Variants in RAB18 observed in about 807,000 individuals in gnomAD.
The protein encoded by RAB18 is ras-related protein Rab-18.
A neutral mutation model predicts 28.5 loss-of-function variants in RAB18; 10 were observed. That is an observed-to-expected ratio of 0.35 (90% CI 0.22 to 0.60). The LOEUF is 0.60. RAB18 is among the 20% of genes least tolerant of loss of function. The probability of loss-of-function intolerance (pLI) is 0.78; values close to 1 mark genes in which losing one functional copy is unlikely to be tolerated. For missense variants in RAB18, 188 were observed against 244.2 expected, an observed-to-expected ratio of 0.77 and a Z score of 1.53; for synonymous variants, 93 against 86.9, an observed-to-expected ratio of 1.07 and a Z score of -0.39.
chr10:27,512,455 A>G (rs985233587), intron 2 of RAB18, among the ~76,000 whole-genome samples: 1 of 152,074 alleles, frequency 6.6e-6, no homozygotes, highest in South Asian at 2.1e-4. Context: ...ACAGGCATGC[A>G]CCACCACACC....
At chr10:27,531,279 A>G (rs1252618134) in intron 3 of RAB18, among the ~76,000 whole-genome samples, 2 of 152,004 alleles carry the variant, frequency 1.3e-5, no homozygotes, top group African/African-American at 4.8e-5. Flanking sequence ...TTACATTGAA[A>G]CGTTACTTTC....
Position 27,531,434 on chromosome 10 carries a change from C to T in RAB18, c.187-1073C>T, listed in dbSNP as rs564104262. 5 of 1,436,972 alleles carry T rather than the reference C, an allele frequency of 3.5e-6. No individual in the cohort carries two copies. The East Asian group carries it at 1.0e-4, about 29-fold the overall frequency. 89.0% of individuals were successfully genotyped at this position (1,436,972 alleles called of 1,614,324 possible). On this transcript the variant is annotated intron_variant, in intron 3 of 6. Transcript: ENST00000356940. ...TCTAACATTTTTATATCTGGGGGAG[C>T]TTCTGCTTGTCCCATAACAAACCCT...
rs774582288 is a variant in RAB18, at chr10:27,504,852, C to T, written c.68+415C>T. ...CGAGACCCGGGAGACATAGCTTTCC[C>T]ACTTGAGGGTTTCTGTGGGGCCTTC... On this transcript the variant is annotated intron_variant, in intron 1 of 6. Transcript: ENST00000356940. 367 of 464,084 alleles carry T rather than the reference C, an allele frequency of 7.9e-4. 1 individual carries two copies. The highest frequency in any genetic ancestry group is 6.6e-4 in the Non-Finnish European group (152 of 228,770). The allele number at this position is 464,084 out of a possible 1,614,324, so 28.7% of individuals were successfully genotyped here. A position where few individuals can be genotyped will look rare whatever the true frequency, so the allele number is the denominator to read the frequency against.
intron 3 of RAB18, among the ~76,000 whole-genome samples, chr10:27,530,630 A>G (rs1314824367): frequency 1.3e-5 from 2 of 151,928 alleles, no homozygotes; most frequent in African/African-American, 4.8e-5. Context: ...ATTGAGTATG[A>G]ATCAGATTGT....
intron 1 of RAB18, chr10:27,505,034 G>T (rs1173049569): frequency 7.5e-6 from 4 of 533,448 alleles, no homozygotes; most frequent in Non-Finnish European, 1.5e-5. Flanking sequence ...TTTAGTGTAA[G>T]GTCCGAGTGC....
At chr10:27,508,993 AT>A (rs1834269122) in intron 1 of RAB18, among the ~76,000 whole-genome samples, 1 of 152,332 alleles carries the variant, frequency 6.6e-6, no homozygotes. Flanking sequence ...CTTAGATTTT[AT>A]TTTTGAAGAG....
At chr10:27,536,150 C>T (rs1345931029) in intron 6 of RAB18, among the ~76,000 whole-genome samples, 1 of 151,410 alleles carries the variant, frequency 6.6e-6, no homozygotes, top group African/African-American at 2.4e-5. Flanking sequence ...GTAGATTGTG[C>T]TGCCAATAAT....
At chr10:27,516,682 T>G (rs1472392699) in intron 2 of RAB18, among the ~76,000 whole-genome samples, 5 of 152,220 alleles carry the variant, frequency 3.3e-5, no homozygotes, top group Admixed American at 6.5e-5. Flanking sequence ...TTGGAATTCT[T>G]TTAATTATTT....
chr10:27,522,809 TC>T (rs1207486300), intron 2 of RAB18, among the ~76,000 whole-genome samples: 1 of 152,150 alleles, frequency 6.6e-6, no homozygotes, highest in Admixed American at 6.5e-5. Flanking sequence ...ATAAACTTGT[TC>T]ATAACATTCT....
intron 2 of RAB18, among the ~76,000 whole-genome samples, chr10:27,511,266 C>G (rs898776085): frequency 9.2e-5 from 14 of 152,200 alleles, no homozygotes; most frequent in African/African-American, 3.1e-4. Context: ...GCAGTGGCAC[C>G]AACTCAGCTC....
intron 6 of RAB18, among the ~76,000 whole-genome samples, chr10:27,535,979 A>T (rs1834887923): frequency 6.6e-6 from 1 of 151,886 alleles, no homozygotes; most frequent in Non-Finnish European, 1.5e-5. Context: ...GCTACTTGGG[A>T]GGCTGAGGCA....
chr10:27,526,884 A>T lies in RAB18; in HGVS notation c.181A>T (p.Ile61Leu). 6.2e-7 allele frequency: 1 copy of T among 1,612,526 alleles called. No homozygotes were observed. Among genetic ancestry groups the T allele is most frequent in the Non-Finnish European group, 8.5e-7 (1 of 1,178,840 alleles). The change falls in exon 3 of 7, where the codon ATA becomes TTA. Residue 61 changes from isoleucine to leucine, a missense_variant. Coordinates refer to ENST00000356940, the MANE Select transcript of RAB18 (RefSeq NM_021252.5). Reference protein sequence around the residue: ...SVDGNKAKLAIWDTAGQERFR... With the variant: ...SVDGNKAKLALWDTAGQERFR... ...GGATGGAAATAAGGCTAAACTTGCA[A>T]TATGGGTAAGAGTTTTTAAAATGTA...
intron 2 of RAB18, among the ~76,000 whole-genome samples, chr10:27,523,265 C>CTTTTTTTTTT (rs34006982): frequency 1.3e-5 from 1 of 79,544 alleles, no homozygotes; most frequent in Non-Finnish European, 2.4e-5. Flanking sequence ...TTTTCTTCTT[C>CTTTTTTTTTT]TTTTTTTTTT....
intron 2 of RAB18, chr10:27,514,105 T>C (rs185566228): frequency 6.6e-5 from 10 of 152,352 alleles, no homozygotes; most frequent in Admixed American, 5.2e-4. Context: ...GGAGGCACTC[T>C]GGCCTTCTGC....
intron 2 of RAB18, among the ~76,000 whole-genome samples, chr10:27,526,459 T>C (rs1481737664): frequency 6.6e-6 from 1 of 152,124 alleles, no homozygotes; most frequent in East Asian, 1.9e-4. Context: ...AGGGAGCCCC[T>C]GGAAGCTGCC....
chr10:27,532,682 C>A (rs1170775583), intron 4 of RAB18, 103 bp downstream of exon 4: 2 of 853,912 alleles, frequency 2.3e-6, no homozygotes, highest in Non-Finnish European at 3.8e-6. Context: ...CTCGTTAGAG[C>A]TACTTTTATG....
intron 6 of RAB18, among the ~76,000 whole-genome samples, chr10:27,536,347 G>A (rs1187758007): frequency 1.3e-5 from 2 of 152,126 alleles, no homozygotes; most frequent in African/African-American, 4.8e-5. Context: ...GGATAGAAAA[G>A]GGCTGAAGAA....
chr10:27,504,826 C>G (rs1837773920), intron 1 of RAB18: 1 of 476,596 alleles, frequency 2.1e-6, no homozygotes, highest in African/African-American at 2.0e-5. Context: ...GCCTGCCACC[C>G]CGAGACCCGG....
chr10:27,519,162 A>G (rs1055738891), intron 2 of RAB18, among the ~76,000 whole-genome samples: 9 of 152,234 alleles, frequency 5.9e-5, no homozygotes, highest in African/African-American at 1.4e-4. Flanking sequence ...AAAAAAATCA[A>G]TGCATACTTC....
Sources: gnomAD v4.1 joint callset for allele counts (sites outside exome capture counted in the v4.1 genomes callset) on GRCh38, gnomAD v4.1.1 for gene constraint, MANE v1.5 for transcripts, NCBI Gene and HGNC (gene_info 2026-07-23, HGNC 2026-07-21) for gene names.